Variants in NRF1 observed in about 807,000 individuals in gnomAD.
NRF1 encodes the protein alpha palindromic-binding protein.
Under a neutral mutation model 58.5 loss-of-function variants are expected in NRF1, and 5 were observed. That is an observed-to-expected ratio of 0.09 (90% CI 0.04 to 0.18). NRF1 has a LOEUF of 0.18. NRF1 is among the 10% of genes least tolerant of loss of function. The probability of loss-of-function intolerance (pLI) is 1.00; values close to 1 mark genes in which losing one functional copy is unlikely to be tolerated. For missense variants in NRF1, 288 were observed against 657.7 expected, an observed-to-expected ratio of 0.44 and a Z score of 6.15; for synonymous variants, 224 against 246.7, an observed-to-expected ratio of 0.91 and a Z score of 0.86.
intron 5 of NRF1, among the ~76,000 whole-genome samples, chr7:129,708,298 T>G (rs1464106938): frequency 1.2e-4 from 18 of 152,226 alleles, no homozygotes; most frequent in Admixed American, 1.0e-3. Context: ...ACACAGAGTG[T>G]GGTTACTATG....
rs1247526990 is a variant in NRF1, at chr7:129,690,554, G to T, written c.606+8G>T. 4 of 1,614,040 alleles carry T rather than the reference G, an allele frequency of 2.5e-6. No homozygotes were observed. The highest frequency in any genetic ancestry group is 2.7e-5 in the African/African-American group (2 of 74,944). On this transcript the variant is annotated splice_region_variant and intron_variant, in intron 5 of 10. Transcript: ENST00000393232. The stretch of plus-strand genomic sequence containing the variant: ...GTGGACAAAATGACCCAGGTGAGGG[G>T]TGGGAGGTGAGGAGGAGACTCAAAG...
chr7:129,752,179 TG>T (rs1804133769), intron 10 of NRF1, among the ~76,000 whole-genome samples: 1 of 152,214 alleles, frequency 6.6e-6, no homozygotes, highest in Admixed American at 6.5e-5. Context: ...TGGCTGTCCC[TG>T]GGCCTCCTGT....
intron 9 of NRF1, among the ~76,000 whole-genome samples, chr7:129,718,474 C>T (rs1245948387): frequency 1.3e-5 from 2 of 152,180 alleles, no homozygotes; most frequent in African/African-American, 4.8e-5. Flanking sequence ...TGCGGCATGC[C>T]AGCTCTACTG....
chr7:129,706,245 A>C (rs1562977240), intron 5 of NRF1, among the ~76,000 whole-genome samples: 3 of 152,166 alleles, frequency 2.0e-5, no homozygotes, highest in Non-Finnish European at 2.9e-5. Flanking sequence ...TAGTTGCCAT[A>C]GTTAAAAGAC....
chr7:129,688,674 A>G (rs1422187874), intron 4 of NRF1, among the ~76,000 whole-genome samples: 3 of 150,220 alleles, frequency 2.0e-5, no homozygotes, highest in Non-Finnish European at 4.4e-5. Context: ...CACGTCTTAC[A>G]TAGTGGCAGG....
chr7:129,657,607 A>ATTTTTTT, intron 2 of NRF1, 33 bp downstream of exon 2: 12 of 1,000,220 alleles, frequency 1.2e-5, no homozygotes, highest in African/African-American at 1.8e-5. Flanking sequence ...CTCTTCTTTA[A>ATTTTTTT]TTTTTTTTTT....
At chr7:129,694,514 G>A (rs760169060) in intron 5 of NRF1, among the ~76,000 whole-genome samples, 2 of 152,040 alleles carry the variant, frequency 1.3e-5, no homozygotes, top group Non-Finnish European at 2.9e-5. Context: ...ACAGGCATGC[G>A]CCACCATGCC....
Position 129,709,143 on chromosome 7 carries a change from G to T in NRF1, c.675G>T (p.Gly225=). Residue 225 remains glycine (G), a synonymous_variant, in exon 6 of 11, where the codon GGG becomes GGT. Transcript: ENST00000393232. ...CAGGTCGGGGAAAACCAGGCTGGGG[G>T]AAAGAAAGCTGCAAGCCCATCTGGT... is the stretch of plus-strand genomic sequence containing the variant. The part of the protein sequence containing the change: ...YSTGRGKPGW[G]KESCKPIWWP... 6.3e-7 allele frequency: 1 copy of T among 1,598,168 alleles called. No homozygotes were observed. Among genetic ancestry groups the T allele is most frequent in the African/African-American group, 1.3e-5 (1 of 74,372 alleles).
chr7:129,754,096 T>C (rs975996609), intron 10 of NRF1, among the ~76,000 whole-genome samples: 13 of 152,140 alleles, frequency 8.5e-5, no homozygotes, highest in African/African-American at 3.1e-4. Context: ...CACGGCAAGC[T>C]GGGAAGGCCC....
At chr7:129,754,464 T>TAAAAAAAAAAAAAAAAAAAA (rs57595268) in intron 10 of NRF1, among the ~76,000 whole-genome samples, 17 of 51,198 alleles carry the variant, frequency 3.3e-4, no homozygotes, top group South Asian at 1.1e-3. Context: ...CCCTGTCTCT[T>TAAAAAAAAAAAAAAAAAAAA]AAAAAAAAAA....
chr7:129,696,159 G>A (rs1349143861), intron 5 of NRF1, among the ~76,000 whole-genome samples: 4 of 150,626 alleles, frequency 2.7e-5, no homozygotes, highest in Non-Finnish European at 1.5e-5. Flanking sequence ...CAGGAGAATC[G>A]CTTGAACCCA....
chr7:129,699,441 T>C (rs958959469), intron 5 of NRF1, among the ~76,000 whole-genome samples: 8 of 152,298 alleles, frequency 5.3e-5, no homozygotes, highest in Non-Finnish European at 1.0e-4. Context: ...TGGCTGGGCA[T>C]GATGGCTCAT....
intron 10 of NRF1, among the ~76,000 whole-genome samples, chr7:129,754,544 C>T (rs1425647645): frequency 1.4e-5 from 2 of 143,210 alleles, no homozygotes; most frequent in Non-Finnish European, 3.0e-5. Context: ...TTACCAGAGT[C>T]TGGGGAAGGG....
chr7:129,737,436 G>T (rs973468161), intron 10 of NRF1, among the ~76,000 whole-genome samples: 5 of 152,156 alleles, frequency 3.3e-5, no homozygotes, highest in African/African-American at 1.2e-4. Context: ...ATGAAAGGTA[G>T]CTTTTGCCAT....
chr7:129,625,913 ACC>A (rs1481499474), intron 1 of NRF1, among the ~76,000 whole-genome samples: 14 of 151,860 alleles, frequency 9.2e-5, no homozygotes, highest in African/African-American at 3.1e-4. Flanking sequence ...TGATTTTCCG[ACC>A]TTGTGATCCA....
At chr7:129,686,886 A>G (rs1802454717) in intron 4 of NRF1, among the ~76,000 whole-genome samples, 1 of 152,240 alleles carries the variant, frequency 6.6e-6, no homozygotes, top group South Asian at 2.1e-4. Flanking sequence ...CTGTGACACC[A>G]TTGATTATAA....
chr7:129,728,468 CAAAAAAAAAAAAAAAAA>C (rs60777041), intron 10 of NRF1, among the ~76,000 whole-genome samples: 1 of 96,352 alleles, frequency 1.0e-5, no homozygotes, highest in African/African-American at 3.9e-5. Flanking sequence ...GACTCCGTCT[CAAAAAAAAAAAAAAAAA>C]AAAAAAAAAC....
At chr7:129,729,320 A>G (rs1803525704) in intron 10 of NRF1, among the ~76,000 whole-genome samples, 1 of 152,178 alleles carries the variant, frequency 6.6e-6, no homozygotes, top group Admixed American at 6.5e-5. Flanking sequence ...ACTATTGATT[A>G]CTGGAAGCTG....
intron 5 of NRF1, among the ~76,000 whole-genome samples, chr7:129,700,693 G>A (rs948506204): frequency 1.3e-4 from 20 of 152,162 alleles, no homozygotes; most frequent in African/African-American, 4.1e-4. Flanking sequence ...CGAGGTAGGC[G>A]GATGGTTTGA....
Sources: gnomAD v4.1 joint callset for allele counts (sites outside exome capture counted in the v4.1 genomes callset) on GRCh38, gnomAD v4.1.1 for gene constraint, MANE v1.5 for transcripts, NCBI Gene and HGNC (gene_info 2026-07-23, HGNC 2026-07-21) for gene names.